The following CA10 variants were observed in gnomAD, a reference collection of about 807,000 sequenced individuals.
CA10 encodes the protein carbonic anhydrase 10 (inactive), also known as carbonic anhydrase-related protein 10.
In CA10, 14 loss-of-function variants were observed where a neutral mutation model predicts 44.2. The observed-to-expected ratio is 0.32, with a 90% confidence interval of 0.21 to 0.50. CA10 has a LOEUF of 0.50. Among genes scored for constraint, CA10 ranks in the 20% least tolerant of loss-of-function variants. The pLI, the probability that CA10 is intolerant of heterozygous loss-of-function variation, is 0.99. For synonymous variants in CA10, 159 were observed against 141.6 expected (o/e 1.12, Z -0.87); for missense variants, 350 against 409.7 (o/e 0.85, Z 1.26).
chr17:51,888,414 G>T (rs572066010), intron 3 of CA10, among the ~76,000 whole-genome samples: 1 of 152,236 alleles, frequency 6.6e-6, no homozygotes, highest in South Asian at 2.1e-4. Flanking sequence ...AATAAAAATG[G>T]TAACTAAATA....
At chr17:51,888,101 A>G (rs11659117) in intron 3 of CA10, among the ~76,000 whole-genome samples, 17,087 of 152,060 alleles carry the variant, frequency 0.11, 1,319 homozygotes, top group African/African-American at 0.23. Flanking sequence ...GAAACTTGGT[A>G]AGTCCCTGAA....
chr17:52,108,282 G>T (rs1232928137), intron 1 of CA10, among the ~76,000 whole-genome samples: 1 of 148,144 alleles, frequency 6.8e-6, no homozygotes, highest in Non-Finnish European at 1.5e-5. Context: ...AACAGCACTT[G>T]CAATAACCTG....
At chr17:51,817,818 C>T (rs1444255684) in intron 3 of CA10, among the ~76,000 whole-genome samples, 1 of 152,062 alleles carries the variant, frequency 6.6e-6, no homozygotes, top group Admixed American at 6.5e-5. Flanking sequence ...GATAAGGAAA[C>T]TGAGTCACAG....
intron 4 of CA10, among the ~76,000 whole-genome samples, chr17:51,715,989 C>T (rs755779509): frequency 2.0e-4 from 30 of 152,116 alleles, no homozygotes; most frequent in Non-Finnish European, 3.7e-4. Context: ...CGTGCCCGGC[C>T]CTCATTCTTT....
intron 1 of CA10, among the ~76,000 whole-genome samples, chr17:52,078,137 T>A (rs1331504982): frequency 6.6e-6 from 1 of 152,188 alleles, no homozygotes; most frequent in Non-Finnish European, 1.5e-5. Flanking sequence ...GTCAACTAAT[T>A]TAACTAACTT....
At chr17:52,023,059 A>G in intron 2 of CA10, among the ~76,000 whole-genome samples, 1 of 152,178 alleles carries the variant, frequency 6.6e-6, no homozygotes, top group East Asian at 1.9e-4. Flanking sequence ...ATTTGATGTT[A>G]TTCCTTGCAA....
At chr17:52,009,971 T>C (rs1468346615) in intron 2 of CA10, among the ~76,000 whole-genome samples, 6 of 151,912 alleles carry the variant, frequency 3.9e-5, no homozygotes, top group Non-Finnish European at 8.8e-5. Context: ...AAATCAGATA[T>C]ATAAATGGCC....
At chr17:51,931,943 A>G (rs930213303) in intron 2 of CA10, among the ~76,000 whole-genome samples, 1 of 152,140 alleles carries the variant, frequency 6.6e-6, no homozygotes, top group African/African-American at 2.4e-5. Flanking sequence ...GTGAAGATCA[A>G]AACTATACTT....
chr17:52,050,420 T>C (rs1329255142), intron 2 of CA10, among the ~76,000 whole-genome samples: 1 of 152,070 alleles, frequency 6.6e-6, no homozygotes, highest in Non-Finnish European at 1.5e-5. Context: ...TCTAATTCCA[T>C]GCTTGCCCTT....
At chr17:51,940,412 T>G (rs1983032201) in intron 2 of CA10, among the ~76,000 whole-genome samples, 1 of 152,034 alleles carries the variant, frequency 6.6e-6, no homozygotes, top group Non-Finnish European at 1.5e-5. Flanking sequence ...TTAGGACTAG[T>G]GATCCTAGGA....
chr17:51,860,756 T>C (rs1979266262), intron 3 of CA10, among the ~76,000 whole-genome samples: 1 of 152,192 alleles, frequency 6.6e-6, no homozygotes, highest in Non-Finnish European at 1.5e-5. Flanking sequence ...AAACACTACA[T>C]AGCAGTTATT....
chr17:51,715,434 T>C (rs1379638077), intron 4 of CA10, among the ~76,000 whole-genome samples: 1 of 152,178 alleles, frequency 6.6e-6, no homozygotes, highest in African/African-American at 2.4e-5. Flanking sequence ...TTTTCCTTTT[T>C]AAAAATTTTT....
chr17:52,086,344 C>G (rs1251495155), intron 1 of CA10, among the ~76,000 whole-genome samples: 1 of 152,156 alleles, frequency 6.6e-6, no homozygotes, highest in Non-Finnish European at 1.5e-5. Flanking sequence ...AGTCAGGGCC[C>G]AGGTTTCTTC....
intron 1 of CA10, among the ~76,000 whole-genome samples, chr17:52,133,161 G>A (rs953483332): frequency 1.3e-5 from 2 of 152,142 alleles, no homozygotes; most frequent in Non-Finnish European, 2.9e-5. Flanking sequence ...GGTGAAATCA[G>A]GCATGGAACA....
intron 1 of CA10, among the ~76,000 whole-genome samples, chr17:52,090,014 G>C (rs569844086): frequency 1.6e-4 from 24 of 152,208 alleles, no homozygotes; most frequent in Admixed American, 2.6e-4. Context: ...AGTTTTTCCA[G>C]TATGCTTAAA....
chr17:51,766,017 T>C (rs1905367921), intron 3 of CA10, among the ~76,000 whole-genome samples: 1 of 152,016 alleles, frequency 6.6e-6, no homozygotes, highest in Admixed American at 6.5e-5. Context: ...AAAACAGGAA[T>C]GCCGGGCAGC....
chr17:51,644,125 G>A (rs372225842), intron 6 of CA10, among the ~76,000 whole-genome samples: 11 of 151,580 alleles, frequency 7.3e-5, no homozygotes, highest in African/African-American at 2.7e-4. Flanking sequence ...TCCTGGCATT[G>A]ATTTTTTTTG....
chr17:52,020,326 A>T (rs1435164808), intron 2 of CA10, among the ~76,000 whole-genome samples: 1 of 151,938 alleles, frequency 6.6e-6, no homozygotes, highest in Non-Finnish European at 1.5e-5. Context: ...GGGGGGTGGT[A>T]TTTTAATTCT....
At chr17:51,876,330 C>T (rs796362646) in intron 3 of CA10, among the ~76,000 whole-genome samples, 48 of 148,690 alleles carry the variant, frequency 3.2e-4, no homozygotes, top group African/African-American at 1.2e-3. Flanking sequence ...CCACACCCAG[C>T]TACTTTTTTT....
Sources: gnomAD v4.1 joint callset for allele counts (sites outside exome capture counted in the v4.1 genomes callset) on GRCh38, gnomAD v4.1.1 for gene constraint, MANE v1.5 for transcripts, NCBI Gene and HGNC (gene_info 2026-07-23, HGNC 2026-07-21) for gene names.